Variants in ATRN observed in about 807,000 individuals in gnomAD.
ATRN encodes the protein attractin, also known as attractin-2.
In ATRN, 54 loss-of-function variants were observed where a neutral mutation model predicts 178.7. That is an observed-to-expected ratio of 0.30 (90% CI 0.24 to 0.38). ATRN has a LOEUF of 0.38. Ranked by LOEUF, ATRN falls within the 10% of genes least tolerant of loss-of-function variation. The probability of loss-of-function intolerance (pLI) is 1.00; values close to 1 mark genes in which losing one functional copy is unlikely to be tolerated. For synonymous variants in ATRN, 636 were observed against 663.0 expected (o/e 0.96, Z 0.63); for missense variants, 1,443 against 1,815.1 (o/e 0.79, Z 3.73).
chr20:3,542,714 C>T (rs951495496), intron 3 of ATRN, among the ~76,000 whole-genome samples: 1 of 151,350 alleles, frequency 6.6e-6, no homozygotes, highest in Non-Finnish European at 1.5e-5. Flanking sequence ...GCAGCCTCAA[C>T]CTCCTGGGCT....
intron 24 of ATRN, among the ~76,000 whole-genome samples, chr20:3,621,334 G>A (rs2086895732): frequency 6.7e-6 from 1 of 148,504 alleles, no homozygotes; most frequent in South Asian, 2.1e-4. Flanking sequence ...AGCACTTTTG[G>A]CTGAAGTGCA....
At chr20:3,488,751 A>C (rs1051432906) in intron 1 of ATRN, among the ~76,000 whole-genome samples, 2 of 152,226 alleles carry the variant, frequency 1.3e-5, no homozygotes, top group Non-Finnish European at 2.9e-5. Flanking sequence ...GACAAGAAGA[A>C]TATCTTGAGA....
intron 1 of ATRN, among the ~76,000 whole-genome samples, chr20:3,509,657 C>G (rs1399879414): frequency 6.6e-6 from 1 of 152,030 alleles, no homozygotes; most frequent in Non-Finnish European, 1.5e-5. Context: ...GTGTGCACCA[C>G]CATGCCCGGC....
intron 1 of ATRN, among the ~76,000 whole-genome samples, chr20:3,487,667 T>A (rs534766495): frequency 4.6e-5 from 7 of 152,122 alleles, no homozygotes; most frequent in Non-Finnish European, 7.4e-5. Context: ...CTAGAGAGAG[T>A]TTGTGATTAC....
At chr20:3,597,293 G>A (rs2086545272) in intron 21 of ATRN, among the ~76,000 whole-genome samples, 1 of 151,980 alleles carries the variant, frequency 6.6e-6, no homozygotes, top group Non-Finnish European at 1.5e-5. Flanking sequence ...TTTATATCCA[G>A]AATACATGAG....
Position 3,594,490 on chromosome 20 carries a change from A to C in ATRN, c.3334A>C (p.Asn1112His), listed in dbSNP as rs571854747. 7 of 1,608,174 alleles carry C rather than the reference A, an allele frequency of 4.4e-6. No individual in the cohort carries two copies. The South Asian group carries it at 7.8e-5, about 18-fold the overall frequency. ...NGGKCQPCKC[N>H]GHASLCNTNT... Reference sequence around the variant, plus strand: ...TTTCTTCTCTGCAGCATGCAAGTGCAATGGGCACGCGTCTCTGTGCAACAC... The same window carrying C: ...TTTCTTCTCTGCAGCATGCAAGTGCCATGGGCACGCGTCTCTGTGCAACAC... Residue 1112 changes from asparagine (N) to histidine (H), a missense_variant, in exon 20 of 29, where the codon AAT becomes CAT. By Grantham distance (68) the Asn-to-His change is moderately conservative (BLOSUM62 1). Coordinates refer to ENST00000262919, the MANE Select transcript of ATRN (RefSeq NM_139321.3).
chr20:3,519,709 ACTAT>A (rs1334779402), intron 1 of ATRN, among the ~76,000 whole-genome samples: 2 of 152,234 alleles, frequency 1.3e-5, no homozygotes, highest in African/African-American at 4.8e-5. Context: ...GTAACCAGAA[ACTAT>A]CTGTATCTCC....
At chr20:3,577,199 A>G (rs2086224928) in intron 14 of ATRN, among the ~76,000 whole-genome samples, 1 of 152,244 alleles carries the variant, frequency 6.6e-6, no homozygotes, top group South Asian at 2.1e-4. Flanking sequence ...TTTGAAATAA[A>G]GTGAAACATC....
chr20:3,642,181 G>A (rs1363041733), intron 27 of ATRN, among the ~76,000 whole-genome samples: 1 of 152,116 alleles, frequency 6.6e-6, no homozygotes, highest in Non-Finnish European at 1.5e-5. Flanking sequence ...TCCCCTTCTT[G>A]TGTCTTTTAC....
At chr20:3,566,260 A>G (rs2146231062) in intron 11 of ATRN, among the ~76,000 whole-genome samples, 1 of 152,266 alleles carries the variant, frequency 6.6e-6, no homozygotes, top group South Asian at 2.1e-4. Context: ...AGTTCATTGC[A>G]TTTTATCGCT....
intron 27 of ATRN, among the ~76,000 whole-genome samples, chr20:3,640,307 G>A (rs899886435): frequency 3.3e-5 from 5 of 152,160 alleles, no homozygotes; most frequent in Non-Finnish European, 7.3e-5. Context: ...AAAAAAGTAC[G>A]CAGAATGCAG....
chr20:3,592,519 G>A (rs2086462469), intron 19 of ATRN: 1 of 969,896 alleles, frequency 1.0e-6, no homozygotes, highest in South Asian at 4.8e-5. Flanking sequence ...TGATATTAAT[G>A]AACTGCTTTT....
intron 8 of ATRN, among the ~76,000 whole-genome samples, chr20:3,561,518 GA>G (rs927932493): frequency 1.1e-4 from 17 of 151,944 alleles, no homozygotes; most frequent in African/African-American, 4.1e-4. Flanking sequence ...AAATATTGAA[GA>G]AAAAAAATAT....
chr20:3,506,456 T>C (rs985636564), intron 1 of ATRN, among the ~76,000 whole-genome samples: 1 of 152,012 alleles, frequency 6.6e-6, no homozygotes, highest in African/African-American at 2.4e-5. Flanking sequence ...AAACCCTGTC[T>C]CTACTAAAAA....
At chr20:3,488,545 G>C (rs1410133043) in intron 1 of ATRN, among the ~76,000 whole-genome samples, 2 of 152,170 alleles carry the variant, frequency 1.3e-5, no homozygotes, top group African/African-American at 4.8e-5. Context: ...ATGTATATAT[G>C]ATCTGTTTCT....
intron 16 of ATRN, among the ~76,000 whole-genome samples, 158 bp from the exon 17 acceptor site, chr20:3,583,740 G>A (rs1365715512): frequency 6.6e-6 from 1 of 152,068 alleles, no homozygotes; most frequent in Non-Finnish European, 1.5e-5. Context: ...CCGGGGAGGC[G>A]GAGGTTGCAG....
At chr20:3,510,788 A>G (rs1414787163) in intron 1 of ATRN, among the ~76,000 whole-genome samples, 1 of 151,698 alleles carries the variant, frequency 6.6e-6, no homozygotes, top group Admixed American at 6.6e-5. Flanking sequence ...TTTTTTTCCT[A>G]TTTGCAATCA....
chr20:3,611,302 TGAATCTA>T (rs1222527062), intron 24 of ATRN, among the ~76,000 whole-genome samples: 1 of 152,160 alleles, frequency 6.6e-6, no homozygotes, highest in African/African-American at 2.4e-5. Context: ...GGAAAGCACT[TGAATCTA>T]GAATATAATA....
intron 1 of ATRN, among the ~76,000 whole-genome samples, chr20:3,515,288 G>T (rs237405): frequency 0.27 from 40,640 of 152,042 alleles, 5,987 homozygotes; most frequent in African/African-American, 0.33. Context: ...AAAATTTGGT[G>T]GTTAAAAATG....
Sources: allele counts gnomAD v4.1 joint callset (sites outside exome capture counted in the v4.1 genomes callset), GRCh38; gene constraint gnomAD v4.1.1; transcripts MANE v1.5; gene names NCBI Gene and HGNC (gene_info 2026-07-23, HGNC 2026-07-21).